The following RAD54B variants were observed in gnomAD, a reference collection of about 807,000 sequenced individuals.
RAD54B encodes DNA repair and recombination protein RAD54B.
A neutral mutation model predicts 95.8 loss-of-function variants in RAD54B; 78 were observed. That is an observed-to-expected ratio of 0.81 (90% confidence interval 0.68 to 0.98). RAD54B has a LOEUF of 0.98. Among genes scored for constraint, RAD54B ranks in the 50% least tolerant of loss-of-function variants. The pLI is 0.00. For synonymous variants in RAD54B, 328 were observed against 354.9 expected, an observed-to-expected ratio of 0.92 and a Z score of 0.85; for missense variants, 957 against 1,056.6, an observed-to-expected ratio of 0.91 and a Z score of 1.31.
intron 3 of RAD54B, chr8:94,429,160 G>C (rs897023587): frequency 1.0e-6 from 1 of 960,362 alleles, no homozygotes; most frequent in Non-Finnish European, 1.2e-6. Context: ...TGTAAAAATA[G>C]GTTTCTTATT....
intron 3 of RAD54B, among the ~76,000 whole-genome samples, chr8:94,449,061 C>CACACACAT (rs1812591551): frequency 6.6e-6 from 1 of 151,812 alleles, no homozygotes; most frequent in Non-Finnish European, 1.5e-5. Context: ...CACACACACA[C>CACACACAT]ACACACATAC....
intron 3 of RAD54B, among the ~76,000 whole-genome samples, chr8:94,450,669 CAGG>C (rs1812634418): frequency 6.6e-6 from 1 of 152,068 alleles, no homozygotes; most frequent in South Asian, 2.1e-4. Context: ...CACTTGGAGC[CAGG>C]AGTTCGAGAC....
chr8:94,436,194 T>A (rs1038089772), intron 3 of RAD54B, among the ~76,000 whole-genome samples: 2 of 152,158 alleles, frequency 1.3e-5, no homozygotes, highest in Non-Finnish European at 2.9e-5. Context: ...AATTTAATTT[T>A]AAAGCTTAAG....
intron 1 of RAD54B, among the ~76,000 whole-genome samples, chr8:94,468,607 C>T (rs1485910256): frequency 2.0e-5 from 3 of 151,790 alleles, no homozygotes; most frequent in Non-Finnish European, 2.9e-5. Context: ...GGGCGGATCA[C>T]GAGGTCAGGA....
rs1812067727 is a variant in RAD54B at position 94,430,614 on chromosome 8, C to T, written c.305-19299G>A. 5.0e-6 allele frequency: 3 copies of T among 604,006 alleles called. No homozygotes were observed. In the African/African-American group the frequency reaches 6.1e-5, roughly 12 times the overall value. 37.4% of individuals were successfully genotyped at this position (604,006 alleles called of 1,614,324 possible). ...TGATGCTGATGCTGCTGGTCAGGACCCATACTTGGAAAACCATTGGTCTAC... is the reference window on the plus strand; with the variant it reads ...TGATGCTGATGCTGCTGGTCAGGACTCATACTTGGAAAACCATTGGTCTAC... On this transcript the variant is annotated intron_variant, in intron 3 of 14. Coordinates refer to ENST00000336148, the MANE Select transcript of RAD54B (RefSeq NM_012415.3).
At chr8:94,415,716 C>G (rs1160241517) in intron 3 of RAD54B, among the ~76,000 whole-genome samples, 1 of 147,240 alleles carries the variant, frequency 6.8e-6, no homozygotes, top group East Asian at 2.0e-4. Context: ...AGGATATGAA[C>G]AGACACTTCT....
At chr8:94,419,337 G>T (rs1239062906) in intron 3 of RAD54B, among the ~76,000 whole-genome samples, 1 of 152,032 alleles carries the variant, frequency 6.6e-6, no homozygotes, top group African/African-American at 2.4e-5. Flanking sequence ...GTGAAACCCT[G>T]TCTCTACTAA....
chr8:94,416,438 G>C (rs1043516434), intron 3 of RAD54B, among the ~76,000 whole-genome samples: 5 of 151,386 alleles, frequency 3.3e-5, no homozygotes, highest in African/African-American at 1.2e-4. Flanking sequence ...AATGGGTGCA[G>C]CACACCAGCA....
intron 3 of RAD54B, among the ~76,000 whole-genome samples, chr8:94,421,017 A>G (rs1184510477): frequency 1.3e-5 from 2 of 151,240 alleles, no homozygotes; most frequent in African/African-American, 4.9e-5. Flanking sequence ...TTTTCCTACC[A>G]TAAGAAGCTG....
At chr8:94,460,107 A>G (rs1158233816) in intron 2 of RAD54B, among the ~76,000 whole-genome samples, 1 of 151,924 alleles carries the variant, frequency 6.6e-6, no homozygotes, top group Non-Finnish European at 1.5e-5. Context: ...GCAGTGAGCC[A>G]AGATTGCGCC....
At chr8:94,468,775 G>T (rs1011966681) in intron 1 of RAD54B, among the ~76,000 whole-genome samples, 2 of 151,904 alleles carry the variant, frequency 1.3e-5, no homozygotes, top group Admixed American at 1.3e-4. Context: ...CTTGCAGTGA[G>T]CTCAGATCAC....
chr8:94,377,197 T>C (rs1284330748), intron 14 of RAD54B, among the ~76,000 whole-genome samples: 3 of 152,164 alleles, frequency 2.0e-5, no homozygotes, highest in South Asian at 2.1e-4. Flanking sequence ...AACAGGATTA[T>C]TCTGTCAACT....
chr8:94,471,919 T>C (rs1343113863), intron 1 of RAD54B, among the ~76,000 whole-genome samples: 13 of 151,946 alleles, frequency 8.6e-5, no homozygotes. Context: ...ATTTTTTAAA[T>C]TGTAAGATGT....
chr8:94,472,037 CAT>C (rs959401860), intron 1 of RAD54B, among the ~76,000 whole-genome samples: 1 of 151,988 alleles, frequency 6.6e-6, no homozygotes, highest in African/African-American at 2.4e-5. Context: ...AATAATGAAA[CAT>C]GTAAATATTT....
At chr8:94,393,234 T>A (rs1290588415) in intron 9 of RAD54B, among the ~76,000 whole-genome samples, 1 of 152,166 alleles carries the variant, frequency 6.6e-6, no homozygotes, top group African/African-American at 2.4e-5. Flanking sequence ...TGCCAAACTT[T>A]CCCCAAGTTG....
At chr8:94,468,394 A>G (rs889832884) in intron 1 of RAD54B, among the ~76,000 whole-genome samples, 1 of 152,110 alleles carries the variant, frequency 6.6e-6, no homozygotes, top group Non-Finnish European at 1.5e-5. Flanking sequence ...TTGGTTTGGT[A>G]ATACAACCAT....
chr8:94,449,610 A>G (rs1812607332), intron 3 of RAD54B, among the ~76,000 whole-genome samples: 2 of 117,948 alleles, frequency 1.7e-5, no homozygotes, highest in South Asian at 5.0e-4. Flanking sequence ...CTCTGTCTCC[A>G]AAAAAAAAAA....
chr8:94,443,432 ACCTGCATAT>A (rs1416282948), intron 3 of RAD54B, among the ~76,000 whole-genome samples: 1 of 152,050 alleles, frequency 6.6e-6, no homozygotes, highest in African/African-American at 2.4e-5. Flanking sequence ...TATGTAACAA[ACCTGCATAT>A]CCTGCATATG....
chr8:94,438,223 T>C (rs1388543784), intron 3 of RAD54B, among the ~76,000 whole-genome samples: 3 of 152,214 alleles, frequency 2.0e-5, no homozygotes, highest in African/African-American at 7.2e-5. Flanking sequence ...GCAAATTACA[T>C]TTACTGAGCT....
Sources: gnomAD v4.1 joint callset for allele counts (sites outside exome capture counted in the v4.1 genomes callset) on GRCh38, gnomAD v4.1.1 for gene constraint, MANE v1.5 for transcripts, NCBI Gene and HGNC (gene_info 2026-07-23, HGNC 2026-07-21) for gene names.